Variants in RAPH1 observed in about 807,000 individuals in gnomAD.
RAPH1 encodes the protein ras-associated and pleckstrin homology domains-containing protein 1.
RAPH1 carries 18 observed loss-of-function variants against 88.1 expected under a neutral mutation model. The observed-to-expected ratio is 0.20, with a 90% CI of 0.14 to 0.30. The LOEUF (loss-of-function observed/expected upper bound fraction) is 0.30, where lower values mean the gene tolerates loss of function less well. RAPH1 is among the 10% of genes least tolerant of loss of function. The pLI is 1.00. For synonymous variants in RAPH1, 587 were observed against 559.0 expected (o/e 1.05, Z -0.71); for missense variants, 1,448 against 1,543.2 (o/e 0.94, Z 1.03).
In RAPH1 at chr2:203,448,198, C is replaced by CAGA; in HGVS notation, c.1513-120_1513-119insTCT. On this transcript the variant is annotated intron_variant, in intron 11 of 13. Transcript: ENST00000319170. The surrounding 1 kb of genome is among the most constrained non-coding windows in gnomAD (Gnocchi z 4.1). Reference sequence around the variant, plus strand: ...TTGATGGTCTGTATTAAAATTAATACCTATGATAGTTCAAAAATTCCTCTA... The same window carrying CAGA: ...TTGATGGTCTGTATTAAAATTAATACAGACTATGATAGTTCAAAAATTCCTCTA... The CAGA allele has an allele frequency of 1.2e-6, 1 of 848,596 alleles. No homozygotes were observed. The highest frequency in any genetic ancestry group is 1.7e-6 in the Non-Finnish European group (1 of 581,582). 52.6% of individuals were successfully genotyped at this position (848,596 alleles called of 1,614,324 possible). A position where few individuals can be genotyped will look rare whatever the true frequency, so the allele number is the denominator to read the frequency against.
chr2:203,460,153 A>T, intron 6 of RAPH1, 125 bp from the exon 7 acceptor site: 1 of 734,264 alleles, frequency 1.4e-6, no homozygotes, highest in Non-Finnish European at 2.2e-6. Context: ...GCACCTAAAA[A>T]TTATCTGGTA....
intron 1 of RAPH1, among the ~76,000 whole-genome samples, chr2:203,501,345 C>T (rs1478426939): frequency 2.0e-5 from 3 of 152,200 alleles, no homozygotes; most frequent in Non-Finnish European, 4.4e-5. Flanking sequence ...TGGTTTCTTT[C>T]TCTCATTACC....
chr2:203,439,924 A>G lies in RAPH1; in HGVS notation c.3266T>C (p.Ile1089Thr), dbSNP rs767689875. The G allele has an allele frequency of 6.2e-7, 1 of 1,613,878 alleles. No homozygotes were observed. Among genetic ancestry groups the G allele is most frequent in the South Asian group, 1.1e-5 (1 of 91,054 alleles). Residue 1089 changes from isoleucine to threonine, a missense_variant, in exon 14 of 14, where the codon ATT becomes ACT. Coordinates refer to ENST00000319170, the MANE Select transcript of RAPH1 (RefSeq NM_213589.3). ...GGTGTTTCCCGAGAAAACTGCTGGA[A>G]TCTCAATGGGGGGCAGAGGAAGCTC... is the stretch of plus-strand genomic sequence containing the variant. ...ETELPLPPIE[I>T]PAVFSGNTSP...
intron 4 of RAPH1, among the ~76,000 whole-genome samples, chr2:203,464,687 T>C (rs190596299): frequency 2.6e-4 from 39 of 152,046 alleles, no homozygotes; most frequent in African/African-American, 8.7e-4. Context: ...AAAAAAGGAA[T>C]ATTCAAGAGA....
intron 3 of RAPH1, among the ~76,000 whole-genome samples, chr2:203,490,783 CTG>C (rs1688223325): frequency 1.3e-5 from 2 of 152,166 alleles, no homozygotes. Flanking sequence ...TGGCTCACGA[CTG>C]TAATCCCAGC....
intron 10 of RAPH1, among the ~76,000 whole-genome samples, chr2:203,450,864 T>TGTGTGCTTC (rs1212325918): frequency 6.6e-6 from 1 of 151,978 alleles, no homozygotes; most frequent in Non-Finnish European, 1.5e-5. Flanking sequence ...CAAGTGTGCA[T>TGTGTGCTTC]GTGTGCTTCC....
At chr2:203,506,822 A>AGATATATATATC (rs1559494569) in intron 1 of RAPH1, among the ~76,000 whole-genome samples, 1 of 66,658 alleles carries the variant, frequency 1.5e-5, no homozygotes, top group Non-Finnish European at 2.8e-5. Flanking sequence ...CTATATATCT[A>AGATATATATATC]TATATATATC....
At chr2:203,495,110 G>T in intron 2 of RAPH1, 124 bp downstream of exon 2, 3 of 1,020,140 alleles carry the variant, frequency 2.9e-6, no homozygotes, top group South Asian at 1.6e-5. Flanking sequence ...TCAATACTTC[G>T]AACATTTCTT....
At position 203,506,766 on chromosome 2, in the gene RAPH1, A is replaced by C. The variant is rs1429416682; in HGVS notation, c.1-11413T>G. Among the ~76,000 whole-genome samples the C allele has an allele frequency of 1.5e-4, 20 of 129,698 alleles. 1 individual carries two copies. Among genetic ancestry groups the C allele is most frequent in the African/African-American group, 5.5e-4 (17 of 30,972 alleles). The allele number at this position is 129,698 out of a possible 152,430, so 85.1% of individuals were successfully genotyped here. ...TCTATATATATATATATCTATATAT[A>C]TATCTATATATATCTAGATATATAT... On this transcript the variant is annotated intron_variant, in intron 1 of 13. Transcript: ENST00000319170.
chr2:203,472,509 CCATT>C (rs1225005859), intron 4 of RAPH1, among the ~76,000 whole-genome samples: 1 of 152,150 alleles, frequency 6.6e-6, no homozygotes, highest in East Asian at 1.9e-4. Flanking sequence ...GCTCTTATTC[CCATT>C]CATTTTTAGC....
chr2:203,440,634 G>A lies in RAPH1; in HGVS notation c.2556C>T (p.Pro852=). The A allele has an allele frequency of 1.3e-6, 2 of 1,557,632 alleles. No homozygotes were observed. Among genetic ancestry groups the A allele is most frequent in the Non-Finnish European group, 1.7e-6 (2 of 1,148,414 alleles). Reference sequence around the variant, plus strand: ...CCGAGGGCACCGGTGACAGTGGAGAGGGAGGGGGTTTTGCACAGAAGCTCT... The same window carrying A: ...CCGAGGGCACCGGTGACAGTGGAGAAGGAGGGGGTTTTGCACAGAAGCTCT... ...KQQSFCAKPP[P]SPLSPVPSVV... is the part of the protein sequence containing the mutation. Residue 852 remains proline, a synonymous_variant, in exon 14 of 14, where the codon CCC becomes CCT. Coordinates refer to ENST00000319170, the MANE Select transcript of RAPH1 (RefSeq NM_213589.3).
chr2:203,490,567 T>C (rs1449978344), intron 3 of RAPH1, among the ~76,000 whole-genome samples: 1 of 152,242 alleles, frequency 6.6e-6, no homozygotes, highest in Non-Finnish European at 1.5e-5. Flanking sequence ...TAAAAATTAC[T>C]AAGAAGTAAC....
At chr2:203,506,862 A>ATT (rs1450716938) in intron 1 of RAPH1, among the ~76,000 whole-genome samples, 2 of 76,636 alleles carry the variant, frequency 2.6e-5, no homozygotes, top group Admixed American at 2.9e-4. Context: ...ATATCTATAT[A>ATT]TATATATATA....
At chr2:203,518,636 A>T (rs541106463) in intron 1 of RAPH1, among the ~76,000 whole-genome samples, 2 of 152,184 alleles carry the variant, frequency 1.3e-5, no homozygotes, top group East Asian at 3.9e-4. Context: ...GCTTGAGGCC[A>T]GGAGTTCAAC....
chr2:203,470,353 A>T, intron 4 of RAPH1: 1 of 1,389,176 alleles, frequency 7.2e-7, no homozygotes. Flanking sequence ...AAAAGGCAAT[A>T]ACAGAAGTCA....
intron 1 of RAPH1, among the ~76,000 whole-genome samples, chr2:203,506,652 G>C (rs1689015781): frequency 6.7e-6 from 1 of 149,100 alleles, no homozygotes; most frequent in Admixed American, 6.7e-5. Context: ...CCAGATCAGG[G>C]GTCTAATCTG....
chr2:203,446,334 C>T (rs902245002), intron 12 of RAPH1: 3 of 152,210 alleles, frequency 2.0e-5, no homozygotes, highest in Non-Finnish European at 4.4e-5. Flanking sequence ...GCCATTCTCA[C>T]ACACTATGTC....
rs1482906075 is a variant in RAPH1, at chr2:203,439,458, G to A, written c.3732C>T (p.Thr1244=). 1 of 1,613,740 alleles carries A rather than the reference G, an allele frequency of 6.2e-7. No homozygotes were observed. The highest frequency in any genetic ancestry group is 1.3e-5 in the African/African-American group (1 of 74,916). The change falls in exon 14 of 14, where the codon ACC becomes ACT. Residue 1244 remains threonine, a synonymous_variant. Coordinates refer to ENST00000319170, the MANE Select transcript of RAPH1 (RefSeq NM_213589.3). ...PPAPPKRDQN[T]KLSRDW Reference sequence around the variant, plus strand: ...GTGGCTACCAGTCTCTGGAGAGCTTGGTGTTCTGGTCTCTTTTGGGGGGAG... The same window carrying A: ...GTGGCTACCAGTCTCTGGAGAGCTTAGTGTTCTGGTCTCTTTTGGGGGGAG...
At chr2:203,484,193 A>G (rs1350492570) in intron 4 of RAPH1, among the ~76,000 whole-genome samples, 5 of 152,170 alleles carry the variant, frequency 3.3e-5, no homozygotes, top group Non-Finnish European at 1.5e-5. Context: ...AAAGATACCT[A>G]TATTTCCTTA....
Sources: allele counts gnomAD v4.1 joint callset (sites outside exome capture counted in the v4.1 genomes callset), GRCh38; gene constraint gnomAD v4.1.1; non-coding constraint Gnocchi (gnomAD v3.1); transcripts MANE v1.5; gene names NCBI Gene and HGNC (gene_info 2026-07-23, HGNC 2026-07-21).